TRPM7: variants seen among roughly 807,000 people sequenced by gnomAD.
TRPM7 encodes the protein transient receptor potential cation channel subfamily M member 7, also known as LTRPC ion channel family member 7.
TRPM7 carries 134 observed loss-of-function variants against 229.7 expected under a neutral mutation model. That is an observed-to-expected ratio of 0.58 (90% CI 0.51 to 0.67). The LOEUF is 0.67. TRPM7 is among the 30% of genes least tolerant of loss of function. TRPM7 has a pLI of 0.00. For synonymous variants in TRPM7, 699 were observed against 715.2 expected (o/e 0.98, Z 0.36); for missense variants, 1,901 against 2,210.0 (o/e 0.86, Z 2.80).
At chr15:50,621,016 G>A (rs1380960649) in intron 12 of TRPM7, among the ~76,000 whole-genome samples, 3 of 151,906 alleles carry the variant, frequency 2.0e-5, no homozygotes, top group Admixed American at 6.6e-5. Flanking sequence ...AAAATTAGCC[G>A]GGCATGGTGG....
chr15:50,592,132 C>T lies in TRPM7; in HGVS notation c.4103G>A (p.Arg1368Lys). ...TTTTAAGAGTTCTACCCCATGTAGT[C>T]TCTGTCGCAGTTCTGGAGGGGAAAC... ...SAVSPPELRQ[R>K]LHGVELLKIF... The change falls in exon 26 of 39, where the codon AGA becomes AAA. Residue 1368 changes from arginine (R) to lysine (K), a missense_variant. Around this residue, in one of 8 missense-constraint regions of TRPM7, gnomAD observed 533 missense variants for 497.1 expected, o/e 1.07. Coordinates refer to ENST00000646667, the MANE Select transcript of TRPM7 (RefSeq NM_017672.6). 1.2e-6 allele frequency: 2 copies of T among 1,613,398 alleles called. No homozygotes were observed. Among genetic ancestry groups the T allele is most frequent in the Non-Finnish European group, 1.7e-6 (2 of 1,179,738 alleles).
At chr15:50,598,418 A>C (rs1251967528) in intron 22 of TRPM7, among the ~76,000 whole-genome samples, 1 of 152,220 alleles carries the variant, frequency 6.6e-6, no homozygotes, top group African/African-American at 2.4e-5. Flanking sequence ...GATTATCCAG[A>C]GAATGTACTC....
intron 3 of TRPM7, among the ~76,000 whole-genome samples, chr15:50,656,489 G>T (rs1045304357): frequency 6.7e-6 from 1 of 148,724 alleles, no homozygotes; most frequent in Non-Finnish European, 1.5e-5. Flanking sequence ...AGATTTTTGT[G>T]TGTGGTTTTC....
chr15:50,604,755 C>A (rs1212907299), intron 21 of TRPM7, 111 bp downstream of exon 21: 6 of 1,124,762 alleles, frequency 5.3e-6, no homozygotes, highest in Non-Finnish European at 7.5e-6. Context: ...GGCAAACAAA[C>A]ACAAAATAAA....
At chr15:50,574,217 T>C (rs1342856863) in intron 36 of TRPM7, 57 bp downstream of exon 36, 2 of 1,314,842 alleles carry the variant, frequency 1.5e-6, no homozygotes, top group South Asian at 1.2e-5. Context: ...GTATAACATA[T>C]GAATAGGTGA....
At chr15:50,680,569 CAAA>C (rs34276298) in intron 1 of TRPM7, among the ~76,000 whole-genome samples, 1 of 106,636 alleles carries the variant, frequency 9.4e-6, no homozygotes. Context: ...ACACTTGTCT[CAAA>C]AAAAAAAAAA....
rs1456866974 is a variant in TRPM7 at position 50,686,741 on chromosome 15, G to C, written c.-208C>G. ...ATAATTGTGCGACCAACTCCTCCGG[G>C]TGACTGGCCACAGGGACGCGCCCGC... is the stretch of plus-strand genomic sequence containing the variant. On this transcript the variant is annotated 5_prime_UTR_variant, in exon 1 of 39. Coordinates refer to ENST00000646667, the MANE Select transcript of TRPM7 (RefSeq NM_017672.6). The C allele has an allele frequency of 1.7e-6, 1 of 605,824 alleles. No homozygotes were observed. Among genetic ancestry groups the C allele is most frequent in the Non-Finnish European group, 2.7e-6 (1 of 373,454 alleles). 37.5% of individuals were successfully genotyped at this position (605,824 alleles called of 1,614,324 possible).
intron 15 of TRPM7, 116 bp from the exon 16 acceptor site, chr15:50,612,945 A>G: frequency 1.2e-6 from 1 of 820,882 alleles, no homozygotes; most frequent in Non-Finnish European, 1.8e-6. Context: ...ACTGCACAAT[A>G]GCATAAATTT....
At chr15:50,629,371 C>A (rs1246828702) in intron 10 of TRPM7, among the ~76,000 whole-genome samples, 2 of 149,510 alleles carry the variant, frequency 1.3e-5, no homozygotes, top group African/African-American at 5.0e-5. Flanking sequence ...CTCCTGGGCT[C>A]AACTGATCCT....
At chr15:50,587,154 C>T (rs2059364725) in intron 27 of TRPM7, among the ~76,000 whole-genome samples, 1 of 152,160 alleles carries the variant, frequency 6.6e-6, no homozygotes, top group Non-Finnish European at 1.5e-5. Flanking sequence ...TATCTTGACA[C>T]ACTGATAACA....
chr15:50,565,862 C>G (rs1183752530), intron 38 of TRPM7, among the ~76,000 whole-genome samples: 1 of 150,090 alleles, frequency 6.7e-6, no homozygotes, highest in Non-Finnish European at 1.5e-5. Flanking sequence ...CTTGCTCTGT[C>G]GCCCAGGCCA....
chr15:50,606,138 C>G (rs543271939), intron 20 of TRPM7, among the ~76,000 whole-genome samples: 11 of 152,068 alleles, frequency 7.2e-5, no homozygotes, highest in Non-Finnish European at 1.5e-4. Flanking sequence ...CCTAGCACTT[C>G]GGGAGACAAA....
intron 7 of TRPM7, among the ~76,000 whole-genome samples, chr15:50,636,145 T>C (rs1314987929): frequency 6.9e-6 from 1 of 144,488 alleles, no homozygotes; most frequent in African/African-American, 2.5e-5. Flanking sequence ...ACAGAGAAAA[T>C]GGAAAAAAAA....
intron 21 of TRPM7, 66 bp from the exon 22 acceptor site, chr15:50,599,362 G>C (rs989432777): frequency 3.7e-5 from 46 of 1,251,216 alleles, no homozygotes; most frequent in Non-Finnish European, 1.9e-5. Flanking sequence ...CTTTCTAAAA[G>C]CTTCTAATGT....
chr15:50,600,048 G>A (rs8037551), intron 21 of TRPM7, among the ~76,000 whole-genome samples: 4,543 of 152,254 alleles, frequency 0.03, 248 homozygotes, highest in African/African-American at 0.1. Context: ...GAATTAAGCA[G>A]AATGCTATAA....
intron 36 of TRPM7, among the ~76,000 whole-genome samples, 199 bp from the exon 37 acceptor site, chr15:50,570,354 G>A (rs1266206929): frequency 6.6e-6 from 1 of 152,146 alleles, no homozygotes; most frequent in Non-Finnish European, 1.5e-5. Context: ...CTACCAGGGA[G>A]AGGCATATCT....
At chr15:50,596,403 A>G in intron 22 of TRPM7, 22 bp from the exon 23 acceptor site, 1 of 1,544,052 alleles carries the variant, frequency 6.5e-7, no homozygotes, top group Non-Finnish European at 8.7e-7. Flanking sequence ...AAAAAAGAAA[A>G]AAACAAAAAC....
chr15:50,614,426 A>G (rs1481005571), intron 13 of TRPM7, among the ~76,000 whole-genome samples, 163 bp from the exon 14 acceptor site: 2 of 152,210 alleles, frequency 1.3e-5, no homozygotes, highest in Non-Finnish European at 2.9e-5. Flanking sequence ...ACATTTTGGG[A>G]GGCCAAGGCG....
intron 3 of TRPM7, among the ~76,000 whole-genome samples, chr15:50,651,620 ACT>A (rs1403029663): frequency 1.3e-5 from 2 of 152,124 alleles, no homozygotes; most frequent in African/African-American, 4.8e-5. Context: ...ACATAGTAAG[ACT>A]CTGTCTCTAA....
Sources: gnomAD v4.1 joint callset for allele counts (sites outside exome capture counted in the v4.1 genomes callset) on GRCh38, gnomAD v4.1.1 for gene constraint, gnomAD v4.1.1 regional missense constraint, MANE v1.5 for transcripts, NCBI Gene and HGNC (gene_info 2026-07-23, HGNC 2026-07-21) for gene names.